Variants in LIPA observed in about 807,000 individuals in gnomAD.
LIPA encodes the protein lipase A, lysosomal acid type, also known as lysosomal acid lipase/cholesteryl ester hydrolase.
In LIPA, 26 loss-of-function variants were observed where a neutral mutation model predicts 40.6. The ratio of observed to expected loss-of-function variants is 0.64; its 90% CI spans 0.47 to 0.89. LIPA has a LOEUF of 0.89. LIPA is among the 40% of genes least tolerant of loss of function. LIPA has a pLI of 0.00. For synonymous variants in LIPA, 188 were observed against 168.4 expected (o/e 1.12, Z -0.90); for missense variants, 455 against 479.6 (o/e 0.95, Z 0.48).
intron 1 of LIPA, among the ~76,000 whole-genome samples, chr10:89,248,475 T>C (rs1431004663): frequency 1.6e-5 from 2 of 128,750 alleles, no homozygotes; most frequent in Non-Finnish European, 3.1e-5. Context: ...TTTATTTATT[T>C]ATTTATTTAT....
In LIPA at chr10:89,225,110, T is replaced by C. The variant is rs748624841; in HGVS notation, c.657A>G (p.Leu219=). Residue 219 remains leucine (L), a synonymous_variant, in exon 6 of 10, where the codon TTA becomes TTG. Transcript: ENST00000336233. ...CTSPMAKLGR[L]PDHLIKDLFG... ...CAAGTACCTTAATGAGATGATCTGG[T>C]AATCGTCCTAATTTGGCCATAGGGC... The C allele has an allele frequency of 2.1e-5, 34 of 1,613,970 alleles. No individual in the cohort carries two copies. In the South Asian group the frequency reaches 3.3e-4, roughly 16 times the overall value.
At chr10:89,216,559 A>T (rs35847941) in intron 8 of LIPA, among the ~76,000 whole-genome samples, 1 of 152,066 alleles carries the variant, frequency 6.6e-6, no homozygotes, top group East Asian at 1.9e-4. Context: ...TTGGAAAAAA[A>T]CAATAAAAGA....
chr10:89,380,452 T>TC (rs1844154635), intron 2 of LIPA, among the ~76,000 whole-genome samples: 1 of 145,312 alleles, frequency 6.9e-6, no homozygotes, highest in African/African-American at 2.5e-5. Flanking sequence ...TTTTTTTTTT[T>TC]CCAGACAGGG....
At chr10:89,339,120 G>A (rs34847428) in intron 1 of LIPA, 26,233 of 1,614,028 alleles carry the variant, frequency 0.016, 321 homozygotes, top group South Asian at 0.039. Flanking sequence ...ATGAAAGGGC[G>A]AAGGTGTGTT....
intron 1 of LIPA, among the ~76,000 whole-genome samples, chr10:89,274,785 C>T (rs1843281974): frequency 6.6e-6 from 1 of 152,130 alleles, no homozygotes; most frequent in East Asian, 1.9e-4. Context: ...GGGAGGTGAC[C>T]TCTGTTGAGA....
intron 1 of LIPA, among the ~76,000 whole-genome samples, chr10:89,276,379 A>G (rs1238501290): frequency 6.6e-6 from 1 of 152,242 alleles, no homozygotes; most frequent in Non-Finnish European, 1.5e-5. Context: ...AACTTTTTCC[A>G]GAAACTCAAT....
rs1189274277 is a variant in LIPA, at chr10:89,213,670, T to G, written c.*1158A>C. ...TGCCTATATTAACCATTAACAAGCA[T>G]TGTACTGTTAGTGCAGCTAAAGTAA... On this transcript the variant is annotated 3_prime_UTR_variant, in exon 10 of 10. Coordinates refer to ENST00000336233, the MANE Select transcript of LIPA (RefSeq NM_000235.4). 1 of 152,252 alleles carries G rather than the reference T, an allele frequency of 6.6e-6. No homozygotes were observed. The highest frequency in any genetic ancestry group is 1.9e-4 in the East Asian group (1 of 5,206). 9.4% of individuals were successfully genotyped at this position (152,252 alleles called of 1,614,324 possible). A position where few individuals can be genotyped will look rare whatever the true frequency, so the allele number is the denominator to read the frequency against.
At chr10:89,265,903 C>T (rs562131730) in intron 1 of LIPA, among the ~76,000 whole-genome samples, 169 of 152,272 alleles carry the variant, frequency 1.1e-3, no homozygotes, top group Non-Finnish European at 3.7e-4. Flanking sequence ...CAAAATGCTC[C>T]GGGATTCAAA....
intron 1 of LIPA, among the ~76,000 whole-genome samples, chr10:89,331,813 C>G (rs1422892525): frequency 7.1e-6 from 1 of 140,444 alleles, no homozygotes; most frequent in Admixed American, 7.6e-5. Context: ...AAGCTGAGAT[C>G]GTGCTACTGC....
chr10:89,299,786 A>C (rs1843434921), intron 1 of LIPA, among the ~76,000 whole-genome samples: 1 of 152,168 alleles, frequency 6.6e-6, no homozygotes, highest in South Asian at 2.1e-4. Context: ...GCAAGGATGC[A>C]GGGGAAAGGG....
chr10:89,286,146 G>A (rs934894204), intron 1 of LIPA, among the ~76,000 whole-genome samples: 2 of 152,054 alleles, frequency 1.3e-5, no homozygotes, highest in African/African-American at 4.8e-5. Flanking sequence ...ATGGTCTGAG[G>A]TGCCTGACGT....
chr10:89,277,202 C>T (rs987055690), intron 1 of LIPA, among the ~76,000 whole-genome samples: 3 of 152,142 alleles, frequency 2.0e-5, no homozygotes, highest in African/African-American at 4.8e-5. Flanking sequence ...TAGGAAGGTT[C>T]GCTGGGAGTG....
intron 1 of LIPA, chr10:89,335,472 G>C (rs961349339): frequency 6.6e-6 from 1 of 151,036 alleles, no homozygotes; most frequent in African/African-American, 2.4e-5. Context: ...GGAGAATCTT[G>C]AGCTATAAGT....
chr10:89,271,384 C>T (rs1241744807), intron 1 of LIPA, among the ~76,000 whole-genome samples: 1 of 152,198 alleles, frequency 6.6e-6, no homozygotes, highest in Non-Finnish European at 1.5e-5. Flanking sequence ...GATGGATTTA[C>T]ATTGATTTGT....
At chr10:89,312,133 A>C (rs1843519910) in intron 1 of LIPA, among the ~76,000 whole-genome samples, 1 of 152,118 alleles carries the variant, frequency 6.6e-6, no homozygotes, top group Non-Finnish European at 1.5e-5. Flanking sequence ...CAGGTTATTT[A>C]TCTCTTCTCC....
chr10:89,251,839 G>A (rs1039663876), upstream of LIPA: 1 of 152,386 alleles, frequency 6.6e-6, no homozygotes, highest in African/African-American at 2.4e-5. Context: ...GCCTTGTCGG[G>A]AGGGCGGATG....
chr10:89,331,955 G>A (rs1206419193), intron 1 of LIPA, among the ~76,000 whole-genome samples: 4 of 151,872 alleles, frequency 2.6e-5, no homozygotes, highest in Non-Finnish European at 4.4e-5. Context: ...GTCTGAGGCC[G>A]GGCACGGTGG....
At chr10:89,241,992 G>T (rs1589568676) in intron 3 of LIPA, among the ~76,000 whole-genome samples, 1 of 152,006 alleles carries the variant, frequency 6.6e-6, no homozygotes, top group South Asian at 2.1e-4. Context: ...ACAAAATGAG[G>T]ATGTTAGTCT....
At chr10:89,346,482 G>A (rs1252779279), upstream of LIPA, among the ~76,000 whole-genome samples, 1 of 152,180 alleles carries the variant, frequency 6.6e-6, no homozygotes, top group East Asian at 1.9e-4. Flanking sequence ...AGAGTTTGAT[G>A]AATAAAATGA....
Sources: gnomAD v4.1 joint callset for allele counts (sites outside exome capture counted in the v4.1 genomes callset) on GRCh38, gnomAD v4.1.1 for gene constraint, MANE v1.5 for transcripts, NCBI Gene and HGNC (gene_info 2026-07-23, HGNC 2026-07-21) for gene names.